GRIN2C: variants seen among roughly 807,000 people sequenced by gnomAD.
The protein encoded by GRIN2C is glutamate ionotropic receptor NMDA type subunit 2C.
Under a neutral mutation model 77.7 loss-of-function variants are expected in GRIN2C, and 64 were observed. The ratio of observed to expected loss-of-function variants is 0.82; its 90% CI spans 0.67 to 1.01. The LOEUF is 1.01. Among genes scored for constraint, GRIN2C ranks in the 50% least tolerant of loss-of-function variants. GRIN2C has a pLI of 0.00. For synonymous variants in GRIN2C, 792 were observed against 643.4 expected (o/e 1.23, Z -3.49); for missense variants, 1,549 against 1,486.0 (o/e 1.04, Z -0.70).
At position 74,842,937 on chromosome 17, in the gene GRIN2C, A is replaced by G. The variant is rs1598468091; in HGVS notation, c.3200T>C (p.Leu1067Pro). The G allele has an allele frequency of 1.8e-6, 1 of 561,826 alleles. No individual in the cohort carries two copies. 34.8% of individuals were successfully genotyped at this position (561,826 alleles called of 1,614,324 possible). A position where few individuals can be genotyped will look rare whatever the true frequency, so the allele number is the denominator to read the frequency against. Reference sequence around the variant, plus strand: ...CGAGCCCCGGGCCCAGGCCGCGTGCAGCAGGGCCTCCCGCCGGGCCAGCTG... The same window carrying G: ...CGAGCCCCGGGCCCAGGCCGCGTGCGGCAGGGCCTCCCGCCGGGCCAGCTG... Reference protein sequence around the residue: ...PEQLARREALLHAAWARGSRP... With the variant: ...PEQLARREALPHAAWARGSRP... Residue 1067 changes from leucine to proline, a missense_variant, in exon 13 of 13, where the codon CTG becomes CCG. Leu to Pro is a moderately conservative substitution (Grantham distance 98). Transcript: ENST00000293190.
At chr17:74,857,287 G>A (rs1003923754) in intron 1 of GRIN2C, among the ~76,000 whole-genome samples, 3 of 152,206 alleles carry the variant, frequency 2.0e-5, no homozygotes, top group Admixed American at 1.3e-4. Context: ...TCATTCCCAA[G>A]AGAGATGTAG....
In GRIN2C at chr17:74,844,359, C is replaced by T. The variant is rs754498629; in HGVS notation, c.2500G>A (p.Ala834Thr). 18 of 1,614,030 alleles carry T rather than the reference C, an allele frequency of 1.1e-5. No individual in the cohort carries two copies. The highest frequency in any genetic ancestry group is 1.6e-4 in the Middle Eastern group (1 of 6,084). The change falls in exon 12 of 13, where the codon GCC becomes ACC. Residue 834 changes from alanine (A) to threonine (T), a missense_variant. Physicochemically the swap from Ala to Thr is moderately conservative, Grantham distance 58 (BLOSUM62 0). Transcript: ENST00000293190. ...VAMGLALLVF[A>T]WEHLVYWKLR... ...TTCCAGTAGACCAGGTGCTCCCAGG[C>T]GAAGACCAGCAGGGCCAGCCCCATG... is the stretch of plus-strand genomic sequence containing the variant.
intron 2 of GRIN2C, chr17:74,854,466 A>T: frequency 7.6e-6 from 4 of 523,220 alleles, no homozygotes; most frequent in Non-Finnish European, 1.4e-5. Flanking sequence ...GTGGGCCTGC[A>T]CCCTGCCCAC....
intron 4 of GRIN2C, chr17:74,851,099 C>T (rs941031919): frequency 2.3e-5 from 9 of 393,628 alleles, no homozygotes; most frequent in Admixed American, 1.5e-4. Context: ...AGGCTAGCAC[C>T]TCTTCCTGGT....
chr17:74,854,656 G>T, intron 2 of GRIN2C, 38 bp downstream of exon 2: 1 of 1,573,260 alleles, frequency 6.4e-7, no homozygotes, highest in Non-Finnish European at 8.7e-7. Flanking sequence ...CCTGGTTCCA[G>T]GCCTGAGGCA....
At chr17:74,851,863 TGAG>T in intron 3 of GRIN2C, 147 bp downstream of exon 3, 1 of 702,242 alleles carries the variant, frequency 1.4e-6, no homozygotes, top group South Asian at 1.9e-5. Flanking sequence ...TTTGTTCAGA[TGAG>T]GACACTAAGG....
Position 74,852,480 on chromosome 17 carries a change from G to C in GRIN2C, c.531C>G (p.Leu177=). The C allele has an allele frequency of 1.3e-6, 2 of 1,564,532 alleles. No homozygotes were observed. Among genetic ancestry groups the C allele is most frequent in the Non-Finnish European group, 1.7e-6 (2 of 1,164,924 alleles). The change falls in exon 3 of 13, where the codon CTC becomes CTG. Residue 177 remains leucine (L), a synonymous_variant. Coordinates refer to ENST00000293190, the MANE Select transcript of GRIN2C (RefSeq NM_000835.6). ...VITSLHPGHA[L]FLEGVRAVAD... ...CGACGGCGCGCACGCCCTCCAGGAAGAGCGCGTGGCCCGGGTGCAGGCTGG... is the reference window on the plus strand; with the variant it reads ...CGACGGCGCGCACGCCCTCCAGGAACAGCGCGTGGCCCGGGTGCAGGCTGG...
At chr17:74,848,580 G>C (rs765576361) in intron 7 of GRIN2C, among the ~76,000 whole-genome samples, 1 of 152,154 alleles carries the variant, frequency 6.6e-6, no homozygotes, top group Non-Finnish European at 1.5e-5. Flanking sequence ...CATGCCTGTA[G>C]TCCCAGCTAC....
intron 1 of GRIN2C, among the ~76,000 whole-genome samples, chr17:74,855,459 T>C (rs938191459): frequency 9.2e-5 from 14 of 152,168 alleles, no homozygotes; most frequent in Non-Finnish European, 1.8e-4. Flanking sequence ...TTCAAGTGCA[T>C]GGATTTGAGT....
chr17:74,860,482 TG>T, upstream of GRIN2C: 1 of 456,660 alleles, frequency 2.2e-6, no homozygotes, highest in Non-Finnish European at 4.4e-6. Flanking sequence ...GGGACGCACC[TG>T]GGGGTTCAGG....
rs2037486049 is a variant in GRIN2C at position 74,847,262 on chromosome 17, C to T, written c.2001+46G>A. On this transcript the variant is annotated intron_variant, in intron 9 of 12. Coordinates refer to ENST00000293190, the MANE Select transcript of GRIN2C (RefSeq NM_000835.6). The surrounding 1 kb of genome is among the most constrained non-coding windows in gnomAD (Gnocchi z 5.2). ...GGCCTGCCCACTCACGGCCTGTCCC[C>T]ACCCTCAGTGCCCCCCCCCACCCCC... 1.2e-6 allele frequency: 1 copy of T among 841,622 alleles called. No homozygotes were observed. The allele number at this position is 841,622 out of a possible 1,614,324, so 52.1% of individuals were successfully genotyped here.
chr17:74,860,290 T>C (rs2037922360), upstream of GRIN2C, among the ~76,000 whole-genome samples: 1 of 152,222 alleles, frequency 6.6e-6, no homozygotes, highest in South Asian at 2.1e-4. Flanking sequence ...CTTTCCTCGA[T>C]TTTCCTGTGG....
At chr17:74,858,099 A>G (rs1176230872) in intron 1 of GRIN2C, among the ~76,000 whole-genome samples, 1 of 152,102 alleles carries the variant, frequency 6.6e-6, no homozygotes, top group East Asian at 1.9e-4. Flanking sequence ...GCAGTCTGCC[A>G]TTAGCATCTC....
chr17:74,844,230 G>A (rs1184613887), intron 12 of GRIN2C, 46 bp downstream of exon 12: 3 of 1,606,208 alleles, frequency 1.9e-6, no homozygotes, highest in Non-Finnish European at 2.6e-6. Flanking sequence ...TATCTGGGTA[G>A]GTGCCCTTAA....
rs2037617600 is a variant in GRIN2C, at chr17:74,850,785, C to G, written c.1114-18G>C. 1.9e-6 allele frequency: 3 copies of G among 1,598,486 alleles called. No individual in the cohort carries two copies. Among genetic ancestry groups the G allele is most frequent in the Non-Finnish European group, 2.6e-6 (3 of 1,171,088 alleles). On this transcript the variant is annotated intron_variant, in intron 4 of 12. Coordinates refer to ENST00000293190, the MANE Select transcript of GRIN2C (RefSeq NM_000835.6). This position sits in a 1 kb window ranked among gnomAD's most constrained non-coding sequence, Gnocchi z 5.3. ...CGCCCCACCTGTGGAGGGTGACAGC[C>G]TCAGCCTGGGGCCTCCAGCCCTACA...
At chr17:74,851,989 C>T in intron 3 of GRIN2C, 24 bp downstream of exon 3, 1 of 1,462,142 alleles carries the variant, frequency 6.8e-7, no homozygotes, top group Non-Finnish European at 9.1e-7. Context: ...CCTCCCTACC[C>T]CTATGCCCCG....
chr17:74,857,268 A>T (rs886759647), intron 1 of GRIN2C, among the ~76,000 whole-genome samples: 12 of 152,230 alleles, frequency 7.9e-5, no homozygotes, highest in Non-Finnish European at 1.5e-4. Flanking sequence ...ATCATAGCTG[A>T]AAGGGTTCTC....
chr17:74,853,266 T>TA (rs1398283127), intron 2 of GRIN2C: 1 of 152,052 alleles, frequency 6.6e-6, no homozygotes, highest in Admixed American at 6.5e-5. Flanking sequence ...CCCAATCTTT[T>TA]AAAAAAGCAA....
chr17:74,858,536 C>T (rs1402926664), intron 1 of GRIN2C, among the ~76,000 whole-genome samples: 7 of 151,898 alleles, frequency 4.6e-5, no homozygotes, highest in Admixed American at 3.9e-4. Flanking sequence ...CTAACCCAGC[C>T]ACCCTACAGA....
Sources: allele counts gnomAD v4.1 joint callset (sites outside exome capture counted in the v4.1 genomes callset), GRCh38; gene constraint gnomAD v4.1.1; non-coding constraint Gnocchi (gnomAD v3.1); transcripts MANE v1.5; gene names NCBI Gene and HGNC (gene_info 2026-07-23, HGNC 2026-07-21).